The following NKAP variants were observed in gnomAD, a reference collection of about 807,000 sequenced individuals.
NKAP encodes the protein NFKB activating protein.
NKAP carries 4 observed loss-of-function variants against 35.6 expected under a neutral mutation model. The observed-to-expected ratio is 0.11, with a 90% CI of 0.06 to 0.26. The LOEUF (loss-of-function observed/expected upper bound fraction) is 0.26. Ranked by LOEUF, NKAP falls within the 10% of genes least tolerant of loss-of-function variation. NKAP has a pLI of 1.00. For synonymous variants in NKAP, 106 were observed against 119.2 expected (o/e 0.89, Z 0.72); for missense variants, 238 against 321.9 (o/e 0.74, Z 1.99).
intron 8 of NKAP, 84 bp from the exon 9 acceptor site, chrX:119,925,478 G>T: frequency 2.0e-6 from 2 of 997,482 alleles, no homozygotes; most frequent in Non-Finnish European, 2.7e-6. Context: ...ACCCAGAGTG[G>T]TCTATTTAAC....
chrX:119,932,037 A>G (rs367745858), intron 6 of NKAP, 26 bp from the exon 7 acceptor site: 43 of 1,186,985 alleles, frequency 3.6e-5, no homozygotes, highest in Non-Finnish European at 4.5e-5. Context: ...TAAGAAACAC[A>G]TTCACATTCT....
chrX:119,943,599 G>C lies in NKAP; in HGVS notation c.7C>G (p.Pro3Ala). 1 of 1,178,076 alleles carries C rather than the reference G, an allele frequency of 8.5e-7. No homozygotes were observed. The highest frequency in any genetic ancestry group is 1.1e-6 in the Non-Finnish European group (1 of 877,004). The part of the protein sequence containing the change: MA[P>A]VSGSRSPDRE... Reference sequence around the variant, plus strand: ...TCCGGGCTGCGTGAGCCGGACACCGGAGCCATGGCTACTGGGGGGCCCCAG... The same window carrying C: ...TCCGGGCTGCGTGAGCCGGACACCGCAGCCATGGCTACTGGGGGGCCCCAG... Residue 3 changes from proline (P) to alanine (A), a missense_variant, in exon 1 of 9, where the codon CCG (proline) becomes GCG (alanine). By Grantham distance (27) the Pro-to-Ala change is conservative (BLOSUM62 -1). Coordinates refer to ENST00000371410, the MANE Select transcript of NKAP (RefSeq NM_024528.4).
intron 5 of NKAP, among the ~76,000 whole-genome samples, chrX:119,933,440 G>A (rs889795537): frequency 1.8e-5 from 2 of 111,562 alleles, no homozygotes; most frequent in Admixed American, 9.6e-5. Context: ...ACAGTAAACA[G>A]CACCACTTAT....
intron 7 of NKAP, among the ~76,000 whole-genome samples, chrX:119,931,683 C>G (rs1474586541): frequency 2.7e-5 from 3 of 110,831 alleles, no homozygotes; most frequent in Non-Finnish European, 3.8e-5. Flanking sequence ...AGGATTTTAA[C>G]AGGAAGAAAC....
Position 119,930,007 on chromosome X carries a change from A to G in NKAP, c.1073+9T>C, listed in dbSNP as rs759713774. 8.5e-7 allele frequency: 1 copy of G among 1,177,525 alleles called. No individual in the cohort carries two copies. Among genetic ancestry groups the G allele is most frequent in the South Asian group, 1.9e-5 (1 of 51,835 alleles). On this transcript the variant is annotated intron_variant, in intron 8 of 8. Coordinates refer to ENST00000371410, the MANE Select transcript of NKAP (RefSeq NM_024528.4). ...ATCATGGAAACTGAGCTTAATGCCA[A>G]CAACATACCTGCTACCACTCATTAC...
At position 119,943,704 on chromosome X, in the gene NKAP, A is replaced by G; in HGVS notation, c.-99T>C. 1.0e-6 allele frequency: 1 copy of G among 976,850 alleles called. No homozygotes were observed. Among genetic ancestry groups the G allele is most frequent in the East Asian group, 3.2e-5 (1 of 30,885 alleles). The allele number at this position is 976,850 out of a possible 1,213,427, so 80.5% of individuals were successfully genotyped here. On this transcript the variant is annotated 5_prime_UTR_variant, in exon 1 of 9. Transcript: ENST00000371410. ...GGTTCCCGGGACCTGCCGCTGCGGA[A>G]CAGCCCAAATCTGAGGAAACCTTGG...
intron 8 of NKAP, among the ~76,000 whole-genome samples, chrX:119,925,878 C>G (rs1320596976): frequency 1.0e-5 from 1 of 98,210 alleles, no homozygotes. Flanking sequence ...TTCCACTATT[C>G]AAATAATGAT....
intron 5 of NKAP, among the ~76,000 whole-genome samples, chrX:119,933,491 C>T (rs1013930240): frequency 9.0e-6 from 1 of 111,689 alleles, no homozygotes. Context: ...CCTTCTCAGG[C>T]CTCTAGACCT....
chrX:119,931,355 A>C (rs1210966325), intron 7 of NKAP, among the ~76,000 whole-genome samples: 1 of 109,629 alleles, frequency 9.1e-6, no homozygotes, highest in African/African-American at 3.3e-5. Flanking sequence ...TACAAAAAAA[A>C]ATTAGCTGAG....
chrX:119,925,929 CTT>C (rs1305744041), intron 8 of NKAP, among the ~76,000 whole-genome samples: 2 of 46,436 alleles, frequency 4.3e-5, no homozygotes, highest in African/African-American at 8.7e-5. Context: ...ATCCTTTTTT[CTT>C]TTTTTTTTTT....
In NKAP at chrX:119,920,684, A is replaced by C; in HGVS notation, c.*4536T>G. ...ACAATACAGCACGTCAAACCACAGA[A>C]TATTTATTGAGTAATAAACTTGTGG... On this transcript the variant is annotated 3_prime_UTR_variant, in exon 9 of 9. Transcript: ENST00000371410. 1.3e-6 allele frequency: 1 copy of C among 743,230 alleles called. No individual in the cohort carries two copies. Among genetic ancestry groups the C allele is most frequent in the South Asian group, 3.2e-5 (1 of 31,219 alleles). The allele number at this position is 743,230 out of a possible 1,213,427, so 61.3% of individuals were successfully genotyped here.
At chrX:119,933,948 A>G (rs1221457453) in intron 5 of NKAP, among the ~76,000 whole-genome samples, 1 of 111,677 alleles carries the variant, frequency 9.0e-6, no homozygotes, top group Non-Finnish European at 1.9e-5. Context: ...CTCAAAAAAA[A>G]CAAAACAAAA....
In NKAP at chrX:119,923,315, C is replaced by CA. The variant is rs1296648360; in HGVS notation, c.*1904dup. On this transcript the variant is annotated 3_prime_UTR_variant, in exon 9 of 9. Coordinates refer to ENST00000371410, the MANE Select transcript of NKAP (RefSeq NM_024528.4). ...CCTAATTAAAATTGAACGAAATAAACAAAGGAACAAGACCACGATATCATA... is the reference window on the plus strand; with the variant it reads ...CCTAATTAAAATTGAACGAAATAAACAAAAGGAACAAGACCACGATATCATA... The CA allele has an allele frequency of 2.8e-4, 31 of 112,210 alleles. No individual in the cohort carries two copies. Among genetic ancestry groups the CA allele is most frequent in the African/African-American group, 9.7e-4 (30 of 30,962 alleles). The allele number at this position is 112,210 out of a possible 1,213,427, so 9.2% of individuals were successfully genotyped here.
chrX:119,943,254 G>C lies in NKAP; in HGVS notation c.352C>G (p.Leu118Val). 1.7e-6 allele frequency: 2 copies of C among 1,199,789 alleles called. No individual in the cohort carries two copies. Among genetic ancestry groups the C allele is most frequent in the South Asian group, 3.6e-5 (2 of 55,810 alleles). Residue 118 changes from leucine (L) to valine (V), a missense_variant, in exon 1 of 9, where the codon CTC (leucine) becomes GTC (valine). Around this residue, in one of 5 missense-constraint regions of NKAP, gnomAD observed 123 missense variants for 115.3 expected, o/e 1.07. Coordinates refer to ENST00000371410, the MANE Select transcript of NKAP (RefSeq NM_024528.4). Reference protein sequence around the residue: ...YGSDKPWPSLLDKEREESLRQ... With the variant: ...YGSDKPWPSLVDKEREESLRQ... ...AGGCTCTCCTCCCTCTCCTTGTCGAGGAGGCTAGGCCAAGGCTTGTCGCTC... is the reference window on the plus strand; with the variant it reads ...AGGCTCTCCTCCCTCTCCTTGTCGACGAGGCTAGGCCAAGGCTTGTCGCTC...
chrX:119,943,508 G>A lies in NKAP; in HGVS notation c.98C>T (p.Ser33Phe). The stretch of plus-strand genomic sequence containing the variant: ...GCGGCGGCCCCGCGGGGAGCGGGCA[G>A]ATTTGCTGGGCTTCGGACTCTTCGA... ...SSSKSPKPSK[S>F]ARSPRGRRSR... Residue 33 changes from serine (S) to phenylalanine (F), a missense_variant, in exon 1 of 9, where the codon TCT (serine) becomes TTT (phenylalanine). Around this residue, in one of 5 missense-constraint regions of NKAP, gnomAD observed 123 missense variants for 115.3 expected, o/e 1.07. Coordinates refer to ENST00000371410, the MANE Select transcript of NKAP (RefSeq NM_024528.4). 8.3e-7 allele frequency: 1 copy of A among 1,211,742 alleles called. No homozygotes were observed. The highest frequency in any genetic ancestry group is 1.1e-6 in the Non-Finnish European group (1 of 895,337).
rs748067989 is a variant in NKAP, at chrX:119,920,791, T to C, written c.*4429A>G. 9.5e-5 allele frequency: 30 copies of C among 317,077 alleles called. No homozygotes were observed. In the Middle Eastern group the frequency reaches 2.6e-3, roughly 28 times the overall value. The allele number at this position is 317,077 out of a possible 1,213,427, so 26.1% of individuals were successfully genotyped here. A position where few individuals can be genotyped will look rare whatever the true frequency, so the allele number is the denominator to read the frequency against. On this transcript the variant is annotated 3_prime_UTR_variant, in exon 9 of 9. Transcript: ENST00000371410. Reference sequence around the variant, plus strand: ...TCACATTAGCAGAGTAACCAGTAAGTTGTTTTCTATTTTCTAAAGTATTTT... The same window carrying C: ...TCACATTAGCAGAGTAACCAGTAAGCTGTTTTCTATTTTCTAAAGTATTTT...
At chrX:119,928,266 T>C (rs1284946473) in intron 8 of NKAP, among the ~76,000 whole-genome samples, 2 of 112,530 alleles carry the variant, frequency 1.8e-5, no homozygotes, top group African/African-American at 6.4e-5. Context: ...TGGAACTGTA[T>C]TGAATACACA....
At chrX:119,933,536 C>T (rs781144420) in intron 5 of NKAP, among the ~76,000 whole-genome samples, 1 of 111,614 alleles carries the variant, frequency 9.0e-6, no homozygotes, top group South Asian at 3.7e-4. Flanking sequence ...ACAGAACATG[C>T]CAAAGAATAC....
intron 7 of NKAP, among the ~76,000 whole-genome samples, chrX:119,930,871 T>G (rs1346539340): frequency 9.1e-6 from 1 of 109,485 alleles, no homozygotes; most frequent in Non-Finnish European, 1.9e-5. Context: ...CTGGGTGCAG[T>G]GGCTGACGCC....
Sources: gnomAD v4.1 joint callset for allele counts (sites outside exome capture counted in the v4.1 genomes callset) on GRCh38, gnomAD v4.1.1 for gene constraint, gnomAD v4.1.1 regional missense constraint, MANE v1.5 for transcripts, NCBI Gene and HGNC (gene_info 2026-07-23, HGNC 2026-07-21) for gene names.